CNGB1: variants seen among roughly 807,000 people sequenced by gnomAD.
CNGB1 encodes cyclic nucleotide gated channel subunit beta 1.
CNGB1 carries 126 observed loss-of-function variants against 151.7 expected under a neutral mutation model. The ratio of observed to expected loss-of-function variants is 0.83; its 90% CI spans 0.72 to 0.96. The LOEUF is 0.96. CNGB1 is among the 40% of genes least tolerant of loss of function. The probability of loss-of-function intolerance (pLI) is 0.00; values close to 1 mark genes in which losing one functional copy is unlikely to be tolerated. For synonymous variants in CNGB1, 623 were observed against 635.1 expected, an observed-to-expected ratio of 0.98 and a Z score of 0.29; for missense variants, 1,698 against 1,627.0, an observed-to-expected ratio of 1.04 and a Z score of -0.75.
intron 29 of CNGB1, among the ~76,000 whole-genome samples, chr16:57,899,765 T>C (rs753531150): frequency 4.6e-5 from 7 of 152,190 alleles, no homozygotes; most frequent in Non-Finnish European, 8.8e-5. Flanking sequence ...CATGACCCCC[T>C]TAACAAAAAG....
intron 16 of CNGB1, among the ~76,000 whole-genome samples, chr16:57,935,250 G>T (rs1395112622): frequency 6.6e-6 from 1 of 152,008 alleles, no homozygotes. Context: ...TGTATTTGAG[G>T]TTATTTTTAT....
At chr16:57,904,173 A>T (rs1416786003) in intron 26 of CNGB1, among the ~76,000 whole-genome samples, 192 bp from the exon 27 acceptor site, 1 of 152,020 alleles carries the variant, frequency 6.6e-6, no homozygotes, top group Non-Finnish European at 1.5e-5. Context: ...TCCAGCATGG[A>T]TGTGGGGAAG....
At chr16:57,969,966 A>G (rs547469366) in intron 1 of CNGB1, among the ~76,000 whole-genome samples, 2 of 152,158 alleles carry the variant, frequency 1.3e-5, no homozygotes, top group Non-Finnish European at 2.9e-5. Flanking sequence ...CCAGCTGAAG[A>G]GGGCAGCCCA....
chr16:57,892,277 C>T (rs1159567856), intron 31 of CNGB1, among the ~76,000 whole-genome samples: 1 of 152,088 alleles, frequency 6.6e-6, no homozygotes, highest in Non-Finnish European at 1.5e-5. Context: ...AAGTCCATTT[C>T]AGTGAGGAGG....
rs917406691 is a variant in CNGB1, at chr16:57,967,312, C to T, written c.-8-18G>A. 14 of 1,613,878 alleles carry T rather than the reference C, an allele frequency of 8.7e-6. No homozygotes were observed. The highest frequency in any genetic ancestry group is 3.3e-5 in the Admixed American group (2 of 59,998). ...CCTGATGCCTGTAGGAGACAGAGTC[C>T]TTAGCCCTCCCTGGAGCACTCACAG... On this transcript the variant is annotated intron_variant, in intron 1 of 32. Transcript: ENST00000251102.
At chr16:57,923,438 G>A (rs1397373452) in intron 17 of CNGB1, 58 bp from the exon 18 acceptor site, 5 of 1,390,056 alleles carry the variant, frequency 3.6e-6, no homozygotes, top group Non-Finnish European at 5.1e-6. Context: ...CCAGGGAGAA[G>A]TGTCATGACT....
chr16:57,905,392 G>A (rs1053126255), intron 25 of CNGB1, among the ~76,000 whole-genome samples: 2 of 152,228 alleles, frequency 1.3e-5, no homozygotes, highest in East Asian at 3.8e-4. Flanking sequence ...AAAGGGAAAG[G>A]GCACACCCGT....
chr16:57,962,497 G>T, intron 7 of CNGB1, 68 bp downstream of exon 7: 1 of 1,451,636 alleles, frequency 6.9e-7, no homozygotes, highest in Non-Finnish European at 9.7e-7. Flanking sequence ...CCCTGCTCCT[G>T]AAACCAAGGA....
intron 31 of CNGB1, among the ~76,000 whole-genome samples, chr16:57,895,955 A>T (rs1468943799): frequency 6.6e-6 from 1 of 152,222 alleles, no homozygotes. Context: ...ATCCATGCCT[A>T]TATACATTGA....
chr16:57,962,784 G>GCAGCCCCT (rs1174799606), intron 6 of CNGB1, 58 bp downstream of exon 6: 32 of 1,604,614 alleles, frequency 2.0e-5, no homozygotes, highest in Non-Finnish European at 2.6e-5. Flanking sequence ...GCCCATCCCA[G>GCAGCCCCT]CAGCCCCTCA....
intron 16 of CNGB1, among the ~76,000 whole-genome samples, chr16:57,935,695 G>A (rs1354369943): frequency 6.6e-6 from 1 of 152,036 alleles, no homozygotes; most frequent in Non-Finnish European, 1.5e-5. Context: ...TTATCAGGGA[G>A]TGGCCTGTGG....
At position 57,884,203 on chromosome 16, in the gene CNGB1, C is replaced by A. The variant is rs202083169; in HGVS notation, c.3717G>T (p.Ser1239=). 8.9e-5 allele frequency: 144 copies of A among 1,614,038 alleles called. No individual in the cohort carries two copies. In the African/African-American group the frequency reaches 1.7e-3, roughly 19 times the overall value. Reference sequence around the variant, plus strand: ...CCTCCCTTTCCTCCGGCATCTTCACCGACAGGATCTGCTCTCCCGGCTCCG... The same window carrying A: ...CCTCCCTTTCCTCCGGCATCTTCACAGACAGGATCTGCTCTCCCGGCTCCG... ...PGPEPGEQIL[S]VKMPEEREEK... is the part of the protein sequence containing the mutation. Residue 1239 remains serine (S), a synonymous_variant, in exon 33 of 33, where the codon TCG becomes TCT. Transcript: ENST00000251102.
At chr16:57,949,133 T>C (rs152141) in intron 14 of CNGB1, among the ~76,000 whole-genome samples, 7 of 149,278 alleles carry the variant, frequency 4.7e-5, no homozygotes, top group African/African-American at 1.2e-4. Flanking sequence ...CTAGTGTGTG[T>C]GGGGGGGGAT....
At chr16:57,936,814 A>C (rs765513643) in intron 16 of CNGB1, among the ~76,000 whole-genome samples, 6 of 151,924 alleles carry the variant, frequency 3.9e-5, no homozygotes, top group African/African-American at 7.3e-5. Context: ...AAAAAACAAA[A>C]GAAAAGAGAG....
At chr16:57,896,758 AAAT>A (rs1257055054) in intron 31 of CNGB1, among the ~76,000 whole-genome samples, 29 of 147,214 alleles carry the variant, frequency 2.0e-4, no homozygotes, top group African/African-American at 4.0e-4. Flanking sequence ...ATAAATAAAT[AAAT>A]AAAATAACTG....
At chr16:57,933,977 C>T (rs1961434371) in intron 16 of CNGB1, among the ~76,000 whole-genome samples, 1 of 152,066 alleles carries the variant, frequency 6.6e-6, no homozygotes. Flanking sequence ...CCGGCCTTGG[C>T]CTCCCAAAGT....
At chr16:57,957,273 G>C in intron 12 of CNGB1, 68 bp downstream of exon 12, 1 of 1,491,732 alleles carries the variant, frequency 6.7e-7, no homozygotes. Flanking sequence ...CCCACATACA[G>C]TCAGACCCAA....
chr16:57,949,550 G>T, intron 13 of CNGB1, 111 bp from the exon 14 acceptor site: 1 of 1,568,804 alleles, frequency 6.4e-7, no homozygotes, highest in Non-Finnish European at 8.7e-7. Flanking sequence ...CCCAGACCTG[G>T]ACTTTCCAAC....
In CNGB1 at chr16:57,949,418, C is replaced by A. The variant is rs773973583; in HGVS notation, c.1056G>T (p.Glu352Asp). ...KMPRELSRIE[E>D]EKEDEEEEEE... Reference sequence around the variant, plus strand: ...CTTCCTCCTCCTCATCTTCTTTCTCCTCTTCAATCCGGGACAGCTCTCTGA... The same window carrying A: ...CTTCCTCCTCCTCATCTTCTTTCTCATCTTCAATCCGGGACAGCTCTCTGA... Residue 352 changes from glutamate to aspartate, a missense_variant, in exon 14 of 33, where the codon GAG (glutamate) becomes GAT (aspartate). By Grantham distance (45) the Glu-to-Asp change is conservative (BLOSUM62 2). Coordinates refer to ENST00000251102, the MANE Select transcript of CNGB1 (RefSeq NM_001297.5). 1 of 1,613,738 alleles carries A rather than the reference C, an allele frequency of 6.2e-7. No individual in the cohort carries two copies. The highest frequency in any genetic ancestry group is 8.5e-7 in the Non-Finnish European group (1 of 1,180,024).
Sources: gnomAD v4.1 joint callset for allele counts (sites outside exome capture counted in the v4.1 genomes callset) on GRCh38, gnomAD v4.1.1 for gene constraint, MANE v1.5 for transcripts, NCBI Gene and HGNC (gene_info 2026-07-23, HGNC 2026-07-21) for gene names.